Variants in CAMK1D observed in about 807,000 individuals in gnomAD.
CAMK1D encodes calcium/calmodulin-dependent protein kinase type 1D.
In CAMK1D, 9 loss-of-function variants were observed where a neutral mutation model predicts 47.7. The observed-to-expected ratio is 0.19, with a 90% CI of 0.11 to 0.33. The LOEUF is 0.33. CAMK1D is among the 10% of genes least tolerant of loss of function. CAMK1D has a pLI of 1.00. For missense variants in CAMK1D, 291 were observed against 488.7 expected, an observed-to-expected ratio of 0.60 and a Z score of 3.81; for synonymous variants, 184 against 184.9, an observed-to-expected ratio of 0.99 and a Z score of 0.04.
rs192486568 is a variant in CAMK1D, at chr10:12,666,924, A to C, written c.299+114A>C. 324 of 835,756 alleles carry C rather than the reference A, an allele frequency of 3.9e-4. 3 individuals carry two copies. In the African/African-American group the frequency reaches 4.9e-3, roughly 13 times the overall value. The allele number at this position is 835,756 out of a possible 1,614,324, so 51.8% of individuals were successfully genotyped here. Reference sequence around the variant, plus strand: ...TGGGCCAGGTAAGGCAGTAGGGAGCAGGGAGGCCTGTGGGATACTAGAGAG... The same window carrying C: ...TGGGCCAGGTAAGGCAGTAGGGAGCCGGGAGGCCTGTGGGATACTAGAGAG... On this transcript the variant is annotated intron_variant, in intron 3 of 10. Coordinates refer to ENST00000619168, the MANE Select transcript of CAMK1D (RefSeq NM_153498.4).
chr10:12,397,316 C>T (rs1460415964), intron 1 of CAMK1D, among the ~76,000 whole-genome samples: 1 of 152,096 alleles, frequency 6.6e-6, no homozygotes, highest in South Asian at 2.1e-4. Flanking sequence ...CCTTTGGTTC[C>T]GTCTGCTTTG....
chr10:12,455,948 T>C (rs570537848), intron 1 of CAMK1D, among the ~76,000 whole-genome samples: 2 of 152,340 alleles, frequency 1.3e-5, no homozygotes, highest in African/African-American at 4.8e-5. Context: ...ATCATTGCTT[T>C]GGTGCACCCC....
chr10:12,641,784 C>T (rs1343162817), intron 2 of CAMK1D, among the ~76,000 whole-genome samples: 2 of 152,064 alleles, frequency 1.3e-5, no homozygotes, highest in African/African-American at 2.4e-5. Context: ...GTGGCTCACG[C>T]ATGTAATCCC....
intron 6 of CAMK1D, among the ~76,000 whole-genome samples, chr10:12,801,297 G>GTATC (rs1183015885): frequency 0.045 from 4,000 of 89,468 alleles, 324 homozygotes; most frequent in Admixed American, 0.061. Flanking sequence ...GTCTGTGTGT[G>GTATC]TATCTATCTA....
rs961797333 is a variant in CAMK1D at position 12,830,774 on chromosome 10, G to A, written c.*1887G>A. The A allele has an allele frequency of 2.0e-5, 3 of 152,270 alleles. No homozygotes were observed. The highest frequency in any genetic ancestry group is 2.1e-4 in the South Asian group (1 of 4,834). The allele number at this position is 152,270 out of a possible 1,614,324, so 9.4% of individuals were successfully genotyped here. A position where few individuals can be genotyped will look rare whatever the true frequency, so the allele number is the denominator to read the frequency against. ...TGTCCCGGCAGGTCTGCGTCATCAC[G>A]ACCCAGTAACGCTGCTGGCTGTGTC... On this transcript the variant is annotated 3_prime_UTR_variant, in exon 11 of 11. Transcript: ENST00000619168.
intron 1 of CAMK1D, among the ~76,000 whole-genome samples, chr10:12,361,890 C>T (rs1333904769): frequency 6.6e-6 from 1 of 152,000 alleles, no homozygotes; most frequent in African/African-American, 2.4e-5. Flanking sequence ...TAGTTAAACG[C>T]CTCCTCCAGC....
intron 5 of CAMK1D, among the ~76,000 whole-genome samples, chr10:12,777,516 G>A (rs1205403008): frequency 6.6e-6 from 1 of 151,936 alleles, no homozygotes; most frequent in Non-Finnish European, 1.5e-5. Flanking sequence ...AGGATTACAG[G>A]CATGCGCCAC....
rs546753553 is a variant in CAMK1D at position 12,502,289 on chromosome 10, G to A, written c.93-50936G>A. ...TGGGGCAGAGAAAGGCCAGTCCAACGGAAGGAGAACCCAGCCAGGGAATGG... is the reference window on the plus strand; with the variant it reads ...TGGGGCAGAGAAAGGCCAGTCCAACAGAAGGAGAACCCAGCCAGGGAATGG... On this transcript the variant is annotated intron_variant, in intron 1 of 10. Transcript: ENST00000619168. 9.2e-5 allele frequency among the ~76,000 whole-genome samples: 14 copies of A among 152,312 alleles called. No homozygotes were observed. The South Asian group carries it at 2.9e-3, about 32-fold the overall frequency.
At chr10:12,734,448 GTGTATATATACACATACACA>G (rs1564524516) in intron 3 of CAMK1D, among the ~76,000 whole-genome samples, 3 of 4,476 alleles carry the variant, frequency 6.7e-4, no homozygotes, top group African/African-American at 2.7e-4. Context: ...ACACACATAT[GTGTATATATACACATACACA>G]TATGTGTATA....
At chr10:12,504,794 C>A (rs147788900) in intron 1 of CAMK1D, among the ~76,000 whole-genome samples, 1 of 152,180 alleles carries the variant, frequency 6.6e-6, no homozygotes, top group Admixed American at 6.5e-5. Context: ...CTCTTACTAC[C>A]TCCCGGGACG....
At chr10:12,479,036 C>T (rs1833984676) in intron 1 of CAMK1D, among the ~76,000 whole-genome samples, 1 of 152,126 alleles carries the variant, frequency 6.6e-6, no homozygotes, top group Non-Finnish European at 1.5e-5. Flanking sequence ...GGAACTCTGA[C>T]TCAGAATCAT....
At chr10:12,598,193 C>T (rs1298894552) in intron 2 of CAMK1D, among the ~76,000 whole-genome samples, 1 of 152,202 alleles carries the variant, frequency 6.6e-6, no homozygotes, top group Non-Finnish European at 1.5e-5. Context: ...ACCTGGGTCC[C>T]TGCTGTGAAA....
At chr10:12,712,995 A>G (rs1478887578) in intron 3 of CAMK1D, among the ~76,000 whole-genome samples, 1 of 152,118 alleles carries the variant, frequency 6.6e-6, no homozygotes, top group Admixed American at 6.5e-5. Flanking sequence ...ATACTTCTCC[A>G]TGGAAAAGAT....
At chr10:12,705,188 C>T (rs745927223) in intron 3 of CAMK1D, among the ~76,000 whole-genome samples, 8 of 152,122 alleles carry the variant, frequency 5.3e-5, no homozygotes, top group African/African-American at 7.2e-5. Flanking sequence ...AGGCTGGGCA[C>T]GGTGGCTCAC....
chr10:12,439,790 G>C (rs1235402032), intron 1 of CAMK1D, among the ~76,000 whole-genome samples: 1 of 152,214 alleles, frequency 6.6e-6, no homozygotes, highest in Non-Finnish European at 1.5e-5. Context: ...AGACATACCC[G>C]AGACTGGGTA....
At chr10:12,367,226 T>C in intron 1 of CAMK1D, among the ~76,000 whole-genome samples, 1 of 152,076 alleles carries the variant, frequency 6.6e-6, no homozygotes, top group Non-Finnish European at 1.5e-5. Context: ...AAATAAACAC[T>C]GTTACATGCA....
At chr10:12,769,652 T>A (rs2130930874) in intron 4 of CAMK1D, 21 bp from the exon 5 acceptor site, 1 of 1,613,418 alleles carries the variant, frequency 6.2e-7, no homozygotes, top group East Asian at 2.2e-5. Flanking sequence ...TTGTAATGTT[T>A]TTTTCTTATT....
At chr10:12,734,499 T>C (rs540674299) in intron 3 of CAMK1D, among the ~76,000 whole-genome samples, 25 of 139,860 alleles carry the variant, frequency 1.8e-4, no homozygotes, top group South Asian at 6.7e-4. Context: ...TGTATATATA[T>C]ACACACACAC....
intron 3 of CAMK1D, among the ~76,000 whole-genome samples, chr10:12,692,669 C>T (rs1832974631): frequency 6.6e-6 from 1 of 152,114 alleles, no homozygotes; most frequent in African/African-American, 2.4e-5. Flanking sequence ...ATATATGTTG[C>T]AAAAACATTT....
Sources: gnomAD v4.1 joint callset for allele counts (sites outside exome capture counted in the v4.1 genomes callset) on GRCh38, gnomAD v4.1.1 for gene constraint, MANE v1.5 for transcripts, NCBI Gene and HGNC (gene_info 2026-07-23, HGNC 2026-07-21) for gene names.